The following TEX2 variants were observed in gnomAD, a reference collection of about 807,000 sequenced individuals.
TEX2 encodes the protein testis expressed 2, also known as testis-expressed protein 2.
TEX2 carries 53 observed loss-of-function variants against 106.9 expected under a neutral mutation model. That is an observed-to-expected ratio of 0.50 (90% CI 0.40 to 0.62). The LOEUF is 0.62. TEX2 is among the 20% of genes least tolerant of loss of function. The probability of loss-of-function intolerance (pLI) is 0.00; values close to 1 mark genes in which losing one functional copy is unlikely to be tolerated. For missense variants in TEX2, 1,207 were observed against 1,379.0 expected (o/e 0.88, Z 1.98); for synonymous variants, 523 against 534.8 (o/e 0.98, Z 0.30).
chr17:64,187,707 C>G (rs2032128737), intron 5 of TEX2, among the ~76,000 whole-genome samples: 1 of 152,046 alleles, frequency 6.6e-6, no homozygotes, highest in South Asian at 2.1e-4. Flanking sequence ...TCGAATATTC[C>G]AAGCACATGC....
intron 10 of TEX2, among the ~76,000 whole-genome samples, chr17:64,152,205 G>A (rs1443693589): frequency 1.3e-5 from 2 of 152,208 alleles, no homozygotes; most frequent in Non-Finnish European, 2.9e-5. Context: ...TTACACTTAT[G>A]CCCATTTTTA....
At chr17:64,219,825 C>T (rs974098519) in intron 1 of TEX2, among the ~76,000 whole-genome samples, 8 of 152,198 alleles carry the variant, frequency 5.3e-5, no homozygotes, top group Non-Finnish European at 8.8e-5. Context: ...ACGTGGTACA[C>T]AGGTAATGCT....
In TEX2 at chr17:64,171,174, G is replaced by A. The variant is rs1166061334; in HGVS notation, c.2597C>T (p.Thr866Ile). 4 of 1,614,098 alleles carry A rather than the reference G, an allele frequency of 2.5e-6. No individual in the cohort carries two copies. The highest frequency in any genetic ancestry group is 3.4e-6 in the Non-Finnish European group (4 of 1,179,984). The change falls in exon 7 of 12, where the codon ACT becomes ATT. Residue 866 changes from threonine to isoleucine, a missense_variant. Physicochemically the swap from Thr to Ile is moderately conservative, Grantham distance 89. Coordinates refer to ENST00000584379, the MANE Select transcript of TEX2 (RefSeq NM_001288732.2). The part of the protein sequence containing the change: ...IKLPYFMNEL[T>I]LTELDMGVAV... ...CACGCCCATGTCAAGTTCCGTCAGA[G>A]TGAGCTCATTCATAAAGTAGGGGAG...
chr17:64,231,250 G>C (rs2033648560), intron 1 of TEX2, among the ~76,000 whole-genome samples: 1 of 152,110 alleles, frequency 6.6e-6, no homozygotes, highest in South Asian at 2.1e-4. Context: ...GAACTTCATG[G>C]GGCTCTCTAT....
chr17:64,174,235 C>A (rs1275345761), intron 6 of TEX2, among the ~76,000 whole-genome samples: 1 of 152,208 alleles, frequency 6.6e-6, no homozygotes, highest in African/African-American at 2.4e-5. Context: ...CCCTTCTCTT[C>A]CCCTGTCAAC....
intron 1 of TEX2, among the ~76,000 whole-genome samples, chr17:64,225,810 C>A (rs1204892686): frequency 2.0e-5 from 3 of 152,116 alleles, no homozygotes; most frequent in African/African-American, 7.2e-5. Context: ...CTCTACCTCC[C>A]GGGTTCAAGC....
intron 2 of TEX2, among the ~76,000 whole-genome samples, chr17:64,204,895 T>C (rs2032781944): frequency 6.6e-6 from 1 of 152,218 alleles, no homozygotes; most frequent in African/African-American, 2.4e-5. Context: ...AGTGAAAAAC[T>C]GGCAAAATGT....
At chr17:64,169,629 T>G (rs2031302671) in intron 7 of TEX2, among the ~76,000 whole-genome samples, 1 of 152,242 alleles carries the variant, frequency 6.6e-6, no homozygotes, top group African/African-American at 2.4e-5. Context: ...GCTGGAGAGA[T>G]ATGCTAGAGC....
chr17:64,247,169 T>G (rs2034004208), intron 1 of TEX2, among the ~76,000 whole-genome samples: 1 of 151,178 alleles, frequency 6.6e-6, no homozygotes, highest in Non-Finnish European at 1.5e-5. Flanking sequence ...CTTGGGAGGC[T>G]GAGGCAGGAT....
At chr17:64,218,329 C>T (rs868942413) in intron 1 of TEX2, among the ~76,000 whole-genome samples, 5 of 151,724 alleles carry the variant, frequency 3.3e-5, no homozygotes, top group Non-Finnish European at 5.9e-5. Flanking sequence ...AAACAGGAAC[C>T]CCGAGGTATG....
At chr17:64,218,116 C>T (rs1426240669) in intron 1 of TEX2, among the ~76,000 whole-genome samples, 2 of 152,086 alleles carry the variant, frequency 1.3e-5, no homozygotes, top group Non-Finnish European at 2.9e-5. Context: ...CACGGTGGCT[C>T]ACACCTGTAA....
At position 64,217,329 on chromosome 17, in the gene TEX2, G is replaced by A. The variant is rs1224397170; in HGVS notation, c.-25-3087C>T. On this transcript the variant is annotated intron_variant, in intron 1 of 11. Transcript: ENST00000584379. This position sits in a 1 kb window ranked among gnomAD's most constrained non-coding sequence, Gnocchi z 4.3. ...CCGACCCTCCCACAGCCACAGCCAT[G>A]CAGGACAGCCAAGGCCAAGAGGAAG... Among the ~76,000 whole-genome samples the A allele has an allele frequency of 6.6e-6, 1 of 152,184 alleles. No homozygotes were observed. The highest frequency in any genetic ancestry group is 1.5e-5 in the Non-Finnish European group (1 of 68,036).
Position 64,213,882 on chromosome 17 carries a change from G to A in TEX2, c.336C>T (p.Asn112=). ...CAGGGGACTCCAACAGCTTTACAGT[G>A]TTCTTGGAGACGGGCAAAATGGCAG... ...QAPAILPVSK[N]TVKLLESPVP... is the part of the protein sequence containing the mutation. Residue 112 remains asparagine, a synonymous_variant, in exon 2 of 12, where the codon AAC becomes AAT. Coordinates refer to ENST00000584379, the MANE Select transcript of TEX2 (RefSeq NM_001288732.2). This position sits in a 1 kb window ranked among gnomAD's most constrained non-coding sequence, Gnocchi z 4.4. 1 of 1,614,212 alleles carries A rather than the reference G, an allele frequency of 6.2e-7. No individual in the cohort carries two copies. Among genetic ancestry groups the A allele is most frequent in the Non-Finnish European group, 8.5e-7 (1 of 1,180,016 alleles).
In TEX2 at chr17:64,148,375, G is replaced by T. The variant is rs1392776960; in HGVS notation, c.*594C>A. The T allele has an allele frequency of 6.5e-6, 1 of 152,832 alleles. No homozygotes were observed. Among genetic ancestry groups the T allele is most frequent in the Non-Finnish European group, 1.5e-5 (1 of 68,204 alleles). The allele number at this position is 152,832 out of a possible 1,614,324, so 9.5% of individuals were successfully genotyped here. A position where few individuals can be genotyped will look rare whatever the true frequency, so the allele number is the denominator to read the frequency against. On this transcript the variant is annotated 3_prime_UTR_variant, in exon 12 of 12. Coordinates refer to ENST00000584379, the MANE Select transcript of TEX2 (RefSeq NM_001288732.2). ...AAATCCCACTGTCCTTACCCAAGCT[G>T]ATAGCGTGTTGTGTGTGTACTATGG... is the stretch of plus-strand genomic sequence containing the variant.
chr17:64,177,771 G>A (rs1271890984), intron 5 of TEX2, among the ~76,000 whole-genome samples: 1 of 152,186 alleles, frequency 6.6e-6, no homozygotes. Flanking sequence ...GTCCAAATTA[G>A]CTTGGTATCA....
At chr17:64,257,202 G>T (rs2034199895) in intron 1 of TEX2, among the ~76,000 whole-genome samples, 1 of 152,154 alleles carries the variant, frequency 6.6e-6, no homozygotes, top group African/African-American at 2.4e-5. Flanking sequence ...GCAGACAAAG[G>T]TTACCTGGTT....
At chr17:64,262,554 A>G (rs1353255561) in intron 1 of TEX2, among the ~76,000 whole-genome samples, 3 of 152,110 alleles carry the variant, frequency 2.0e-5, no homozygotes, top group Admixed American at 2.0e-4. Flanking sequence ...GTCCACGGCC[A>G]CACCGCCTCC....
intron 8 of TEX2, among the ~76,000 whole-genome samples, chr17:64,159,765 A>G (rs940406317): frequency 6.6e-6 from 1 of 152,228 alleles, no homozygotes; most frequent in African/African-American, 2.4e-5. Flanking sequence ...TGAAAGGAAA[A>G]TAGCACAGAC....
chr17:64,151,165 G>A (rs879893636), intron 10 of TEX2, among the ~76,000 whole-genome samples: 9 of 152,074 alleles, frequency 5.9e-5, no homozygotes, highest in African/African-American at 2.2e-4. Flanking sequence ...GGGCTGTGGC[G>A]GATTTAGAAC....
Sources: gnomAD v4.1 joint callset for allele counts (sites outside exome capture counted in the v4.1 genomes callset) on GRCh38, gnomAD v4.1.1 for gene constraint, Gnocchi (gnomAD v3.1) non-coding constraint, MANE v1.5 for transcripts, NCBI Gene and HGNC (gene_info 2026-07-23, HGNC 2026-07-21) for gene names.